ENTPD4: variants seen among roughly 807,000 people sequenced by gnomAD.
ENTPD4 encodes the protein Golgi UDPase.
ENTPD4 carries 60 observed loss-of-function variants against 79.1 expected under a neutral mutation model. The ratio of observed to expected loss-of-function variants is 0.76; its 90% CI spans 0.62 to 0.94. ENTPD4 has a LOEUF of 0.94. ENTPD4 is among the 40% of genes least tolerant of loss of function. The pLI, the probability that ENTPD4 is intolerant of heterozygous loss-of-function variation, is 0.00. For missense variants in ENTPD4, 772 were observed against 775.1 expected (o/e 1.00, Z 0.05); for synonymous variants, 276 against 292.0 (o/e 0.95, Z 0.56).
intron 9 of ENTPD4, among the ~76,000 whole-genome samples, chr8:23,438,283 A>G (rs1381966561): frequency 6.6e-6 from 1 of 152,244 alleles, no homozygotes. Context: ...AGAATTCAAT[A>G]TTCATCACCG....
At chr8:23,438,146 G>A (rs1230231855) in intron 9 of ENTPD4, among the ~76,000 whole-genome samples, 1 of 152,182 alleles carries the variant, frequency 6.6e-6, no homozygotes, top group African/African-American at 2.4e-5. Flanking sequence ...ATCCTATTGT[G>A]TGTGCATGCC....
At chr8:23,454,501 A>G (rs1367047269) in intron 1 of ENTPD4, among the ~76,000 whole-genome samples, 1 of 152,242 alleles carries the variant, frequency 6.6e-6, no homozygotes, top group African/African-American at 2.4e-5. Context: ...CAAGATACTA[A>G]TTAAAGGCAA....
At position 23,432,922 on chromosome 8, in the gene ENTPD4, T is replaced by C; in HGVS notation, c.*4A>G. ...TTTGAGTCTTCGTGGAGCTGTGAGC[T>C]GGATCACAAGGTCCCCGGGGCATTC... On this transcript the variant is annotated 3_prime_UTR_variant, in exon 13 of 13. Coordinates refer to ENST00000358689, the MANE Select transcript of ENTPD4 (RefSeq NM_004901.5). 2 of 1,586,676 alleles carry C rather than the reference T, an allele frequency of 1.3e-6. No individual in the cohort carries two copies. The highest frequency in any genetic ancestry group is 1.7e-6 in the Non-Finnish European group (2 of 1,165,026).
At chr8:23,440,105 A>C (rs1428171184) in intron 8 of ENTPD4, 190 bp from the exon 9 acceptor site, 1 of 542,754 alleles carries the variant, frequency 1.8e-6, no homozygotes, top group Non-Finnish European at 3.2e-6. Context: ...GATGGGCTGC[A>C]AATTTGTGAT....
At chr8:23,446,578 T>G (rs2117297251) in intron 4 of ENTPD4, among the ~76,000 whole-genome samples, 1 of 152,318 alleles carries the variant, frequency 6.6e-6, no homozygotes, top group African/African-American at 2.4e-5. Context: ...GTAGGTTGTC[T>G]CTCTTTAACC....
chr8:23,448,831 G>T lies in ENTPD4; in HGVS notation c.117C>A (p.Val39=). Residue 39 remains valine, a synonymous_variant, in exon 3 of 13, where the codon GTC becomes GTA. Transcript: ENST00000358689. ...ATAAAAGTGAAACAGCAGCAGCCAG[G>T]ACACTAATGACCATAATTTGGCGTA... The part of the protein sequence containing the change: ...TNLRQIMVIS[V]LAAAVSLLYF... 6.2e-7 allele frequency: 1 copy of T among 1,614,048 alleles called. No individual in the cohort carries two copies. The highest frequency in any genetic ancestry group is 2.2e-5 in the East Asian group (1 of 44,880).
Position 23,430,855 on chromosome 8 carries a change from G to A in ENTPD4, c.*2071C>T, listed in dbSNP as rs144302827. On this transcript the variant is annotated 3_prime_UTR_variant, in exon 13 of 13. Transcript: ENST00000358689. ...CTGCAGCCTCCACCAATAATCCATG[G>A]CTCCTCCAGGAAGTGTCGCAGGCAG... 2,983 of 985,376 alleles carry A rather than the reference G, an allele frequency of 3.0e-3. 11 individuals are homozygous for A. The highest frequency in any genetic ancestry group is 0.026 in the Middle Eastern group (50 of 1,914). The allele number at this position is 985,376 out of a possible 1,614,324, so 61.0% of individuals were successfully genotyped here. A position where few individuals can be genotyped will look rare whatever the true frequency, so the allele number is the denominator to read the frequency against.
At chr8:23,439,485 T>C (rs183318770) in intron 9 of ENTPD4, among the ~76,000 whole-genome samples, 1 of 152,282 alleles carries the variant, frequency 6.6e-6, no homozygotes, top group East Asian at 1.9e-4. Context: ...TATAGCTTGA[T>C]GGTGAAATTT....
chr8:23,443,849 C>T lies in ENTPD4; in HGVS notation c.667+1G>A. The T allele has an allele frequency of 1.2e-6, 2 of 1,602,496 alleles. No individual in the cohort carries two copies. Among genetic ancestry groups the T allele is most frequent in the Non-Finnish European group, 1.7e-6 (2 of 1,169,748 alleles). ...TTTAAACTGAAGACCAATATACCAA[C>T]CTTCTTGTTTCCCAGAAATTACTTC... On this transcript the variant is annotated splice_donor_variant, in intron 6 of 12. Coordinates refer to ENST00000358689, the MANE Select transcript of ENTPD4 (RefSeq NM_004901.5). LOFTEE classifies it high-confidence loss of function.
In ENTPD4 at chr8:23,441,558, CA is replaced by C. The variant is rs1563224703; in HGVS notation, c.882+10del. On this transcript the variant is annotated intron_variant, in intron 8 of 12. Transcript: ENST00000358689. ...CAAACCAAACAGAAGGAAATTTGTA[CA>C]GATAATGACCTGCTGTGAGGACGCA... is the stretch of plus-strand genomic sequence containing the variant. The C allele has an allele frequency of 6.2e-7, 1 of 1,608,138 alleles. No homozygotes were observed. Among genetic ancestry groups the C allele is most frequent in the Non-Finnish European group, 8.5e-7 (1 of 1,177,232 alleles).
chr8:23,457,152 C>T (rs1800972501), intron 1 of ENTPD4, among the ~76,000 whole-genome samples: 1 of 152,198 alleles, frequency 6.6e-6, no homozygotes, highest in Admixed American at 6.5e-5. Flanking sequence ...CAAAGCAAAG[C>T]GAAAACGACA....
intron 1 of ENTPD4, among the ~76,000 whole-genome samples, chr8:23,455,718 G>A (rs1042473051): frequency 3.3e-5 from 5 of 151,954 alleles, no homozygotes; most frequent in African/African-American, 7.3e-5. Flanking sequence ...CCAGTTCCAC[G>A]TTCCAAGCTC....
intron 11 of ENTPD4, 38 bp from the exon 12 acceptor site, chr8:23,434,516 C>T (rs999760918): frequency 1.9e-6 from 3 of 1,609,896 alleles, no homozygotes; most frequent in African/African-American, 1.3e-5. Context: ...CAGACTGACT[C>T]ACTCTGTCAA....
intron 1 of ENTPD4, 22 bp downstream of exon 1, chr8:23,457,535 C>A (rs948763949): frequency 7.2e-5 from 11 of 152,076 alleles, no homozygotes; most frequent in Admixed American, 5.9e-4. Context: ...TCCCCTCACC[C>A]ACGCTCGGAA....
chr8:23,449,927 C>A lies in ENTPD4; in HGVS notation c.-27G>T, dbSNP rs769442452. The A allele has an allele frequency of 1.2e-6, 2 of 1,614,058 alleles. No homozygotes were observed. The highest frequency in any genetic ancestry group is 1.7e-6 in the Non-Finnish European group (2 of 1,179,910). ...CTGAAAGGTCAGCAACAAGGCAATGCTCTGGGATTCAGTCCTTCTCACAAA... is the reference window on the plus strand; with the variant it reads ...CTGAAAGGTCAGCAACAAGGCAATGATCTGGGATTCAGTCCTTCTCACAAA... On this transcript the variant is annotated 5_prime_UTR_variant, in exon 2 of 13. Coordinates refer to ENST00000358689, the MANE Select transcript of ENTPD4 (RefSeq NM_004901.5).
intron 9 of ENTPD4, among the ~76,000 whole-genome samples, chr8:23,439,207 T>A (rs1421248400): frequency 1.3e-5 from 2 of 152,234 alleles, no homozygotes; most frequent in African/African-American, 4.8e-5. Flanking sequence ...TTTTTAAAGC[T>A]TCATTGCTAA....
At position 23,437,161 on chromosome 8, in the gene ENTPD4, T is replaced by G; in HGVS notation, c.1147A>C (p.Thr383Pro). The change falls in exon 10 of 13, where the codon ACC becomes CCC. Residue 383 changes from threonine to proline, a missense_variant. Transcript: ENST00000358689. ...TCTCCAGTCCCTCGTAGGTATATGGTTTGTCCATTTTGCTGGATTTCATCT... is the reference window on the plus strand; with the variant it reads ...TCTCCAGTCCCTCGTAGGTATATGGGTTGTCCATTTTGCTGGATTTCATCT... ...IKDEIQQNGQ[T>P]IYLRGTGDFD... 6.2e-7 allele frequency: 1 copy of G among 1,614,118 alleles called. No homozygotes were observed. Among genetic ancestry groups the G allele is most frequent in the Non-Finnish European group, 8.5e-7 (1 of 1,180,004 alleles).
intron 1 of ENTPD4, among the ~76,000 whole-genome samples, chr8:23,451,598 T>A (rs1800862957): frequency 6.6e-6 from 1 of 152,110 alleles, no homozygotes; most frequent in African/African-American, 2.4e-5. Context: ...AAGACTCCAA[T>A]CTACAAAGCC....
Position 23,430,014 on chromosome 8 carries a change from G to C in ENTPD4, c.*2912C>G, listed in dbSNP as rs1321493291. 4 of 985,318 alleles carry C rather than the reference G, an allele frequency of 4.1e-6. No individual in the cohort carries two copies. Among genetic ancestry groups the C allele is most frequent in the African/African-American group, 3.5e-5 (2 of 57,238 alleles). 61.0% of individuals were successfully genotyped at this position (985,318 alleles called of 1,614,324 possible). On this transcript the variant is annotated 3_prime_UTR_variant, in exon 13 of 13. Coordinates refer to ENST00000358689, the MANE Select transcript of ENTPD4 (RefSeq NM_004901.5). Reference sequence around the variant, plus strand: ...AAGATTGAACACAATGCTTTTCTTTGATAAAGCTTTGGGCAAGTTCCTAGT... The same window carrying C: ...AAGATTGAACACAATGCTTTTCTTTCATAAAGCTTTGGGCAAGTTCCTAGT...
Sources: allele counts gnomAD v4.1 joint callset (sites outside exome capture counted in the v4.1 genomes callset), GRCh38; gene constraint gnomAD v4.1.1; transcripts MANE v1.5; gene names NCBI Gene and HGNC (gene_info 2026-07-23, HGNC 2026-07-21).